NAV3: variants seen among roughly 807,000 people sequenced by gnomAD.
NAV3 encodes pore membrane and/or filament interacting like protein 1.
A neutral mutation model predicts 244.7 loss-of-function variants in NAV3; 87 were observed. The ratio of observed to expected loss-of-function variants is 0.36; its 90% CI spans 0.30 to 0.42. The LOEUF (loss-of-function observed/expected upper bound fraction) is 0.42, where lower values mean the gene tolerates loss of function less well. Ranked by LOEUF, NAV3 falls within the 20% of genes least tolerant of loss-of-function variation. NAV3 has a pLI of 1.00. For missense variants in NAV3, 2,663 were observed against 2,893.3 expected (o/e 0.92, Z 1.83); for synonymous variants, 1,126 against 1,042.2 (o/e 1.08, Z -1.55).
chr12:78,184,944 G>A (rs1204828525), intron 30 of NAV3, among the ~76,000 whole-genome samples: 1 of 151,636 alleles, frequency 6.6e-6, no homozygotes, highest in Non-Finnish European at 1.5e-5. Context: ...CCATTTAAAG[G>A]CTGATATTTT....
chr12:78,139,410 T>C (rs1956510102), intron 19 of NAV3, among the ~76,000 whole-genome samples: 1 of 152,198 alleles, frequency 6.6e-6, no homozygotes, highest in South Asian at 2.1e-4. Flanking sequence ...ATTATTATCT[T>C]CTCTTTGAGC....
chr12:78,063,893 G>A (rs986023868), intron 12 of NAV3, among the ~76,000 whole-genome samples: 3 of 152,112 alleles, frequency 2.0e-5, no homozygotes, highest in Non-Finnish European at 4.4e-5. Flanking sequence ...AAAGGACCTG[G>A]GGGCCATACT....
intron 2 of NAV3, among the ~76,000 whole-genome samples, chr12:77,751,253 C>T (rs1868837806): frequency 6.6e-6 from 1 of 152,172 alleles, no homozygotes; most frequent in African/African-American, 2.4e-5. Flanking sequence ...AAATACTAGC[C>T]TCTTTGTAGC....
chr12:77,724,801 A>G (rs1224331843), intron 2 of NAV3, among the ~76,000 whole-genome samples: 1 of 152,000 alleles, frequency 6.6e-6, no homozygotes, highest in Admixed American at 6.6e-5. Context: ...TATTCATGTA[A>G]TTGAAGATAC....
intron 2 of NAV3, among the ~76,000 whole-genome samples, chr12:77,809,789 G>A (rs1872190538): frequency 6.6e-6 from 1 of 152,032 alleles, no homozygotes; most frequent in African/African-American, 2.4e-5. Context: ...GAGTTAAATT[G>A]CTAATTTCCG....
chr12:78,038,675 G>T (rs1037120960), intron 9 of NAV3, among the ~76,000 whole-genome samples: 3 of 152,178 alleles, frequency 2.0e-5, no homozygotes, highest in Non-Finnish European at 4.4e-5. Flanking sequence ...GTGATGAACT[G>T]CTTCTCATAA....
intron 1 of NAV3, among the ~76,000 whole-genome samples, chr12:77,924,025 T>G (rs1887957925): frequency 6.6e-6 from 1 of 152,100 alleles, no homozygotes; most frequent in South Asian, 2.1e-4. Context: ...GCAAGGAGAA[T>G]CTCTGTAATT....
At chr12:78,149,587 A>T (rs927634191) in intron 22 of NAV3, among the ~76,000 whole-genome samples, 1 of 152,220 alleles carries the variant, frequency 6.6e-6, no homozygotes, top group African/African-American at 2.4e-5. Context: ...GAAATGTGGC[A>T]CTGTTCCCAG....
intron 38 of NAV3, among the ~76,000 whole-genome samples, chr12:78,203,682 G>T (rs1435846836): frequency 6.6e-6 from 1 of 152,008 alleles, no homozygotes; most frequent in African/African-American, 2.4e-5. Context: ...ACAAACCAAA[G>T]TATGTCATCT....
chr12:77,654,310 C>T (rs926948775), intron 2 of NAV3, among the ~76,000 whole-genome samples: 4 of 152,276 alleles, frequency 2.6e-5, no homozygotes, highest in South Asian at 2.1e-4. Flanking sequence ...ATATCCTGCA[C>T]CTGGCTCGGA....
At chr12:78,108,816 G>C (rs1954939137) in intron 12 of NAV3, among the ~76,000 whole-genome samples, 2 of 152,058 alleles carry the variant, frequency 1.3e-5, no homozygotes, top group Admixed American at 1.3e-4. Flanking sequence ...GCAGTGCTAA[G>C]AGGGAAGTTT....
intron 2 of NAV3, among the ~76,000 whole-genome samples, chr12:77,588,444 C>T (rs1476549811): frequency 6.6e-6 from 1 of 152,090 alleles, no homozygotes; most frequent in Non-Finnish European, 1.5e-5. Context: ...TTATATTTGA[C>T]CAGTAATAGG....
rs184805385 is a variant in NAV3, at chr12:78,104,169, A to G, written c.2637-12603A>G. 2.4e-3 allele frequency among the ~76,000 whole-genome samples: 358 copies of G among 152,328 alleles called. 3 individuals are homozygous for G. The highest frequency in any genetic ancestry group is 8.3e-3 in the African/African-American group (347 of 41,576). ...GAGGTTACTATTAAATGCCTGAAGT[A>G]TAAGAGTTGGTTGTTTATGTAAACA... On this transcript the variant is annotated intron_variant, in intron 12 of 39. Transcript: ENST00000397909.
intron 38 of NAV3, among the ~76,000 whole-genome samples, chr12:78,203,436 A>C (rs74730880): frequency 0.012 from 1,888 of 152,218 alleles, 33 homozygotes; most frequent in African/African-American, 0.042. Flanking sequence ...GCTCTAAAAC[A>C]AGATAACTAT....
chr12:77,994,949 T>A (rs971891171), intron 6 of NAV3, 78 bp downstream of exon 6: 3 of 1,067,092 alleles, frequency 2.8e-6, no homozygotes, highest in African/African-American at 3.2e-5. Context: ...CCTATCTTTT[T>A]TTTTTAATGA....
chr12:78,138,782 C>G (rs548748677), intron 19 of NAV3, among the ~76,000 whole-genome samples: 2 of 152,266 alleles, frequency 1.3e-5, no homozygotes, highest in Admixed American at 6.5e-5. Flanking sequence ...TTCAATGTAT[C>G]AGGATTAAAT....
At chr12:78,156,585 A>G (rs942771099) in intron 22 of NAV3, among the ~76,000 whole-genome samples, 2 of 152,156 alleles carry the variant, frequency 1.3e-5, no homozygotes, top group Non-Finnish European at 2.9e-5. Flanking sequence ...CAAGTTTCAC[A>G]TTTAAGGATT....
intron 26 of NAV3, 140 bp from the exon 27 acceptor site, chr12:78,176,993 TAGAGATAC>T: frequency 4.3e-6 from 3 of 700,276 alleles, no homozygotes; most frequent in Non-Finnish European, 2.4e-6. Flanking sequence ...ATTTTTTTTT[TAGAGATAC>T]TGTGCTGCAA....
intron 1 of NAV3, among the ~76,000 whole-genome samples, chr12:77,850,806 A>G (rs2136242346): frequency 6.6e-6 from 1 of 151,722 alleles, no homozygotes; most frequent in Non-Finnish European, 1.5e-5. Flanking sequence ...TTTTCTTGCT[A>G]CTCTTTGGGT....
Sources: allele counts gnomAD v4.1 joint callset (sites outside exome capture counted in the v4.1 genomes callset), GRCh38; gene constraint gnomAD v4.1.1; transcripts MANE v1.5; gene names NCBI Gene and HGNC (gene_info 2026-07-23, HGNC 2026-07-21).